The following SH3GL2 variants were observed in gnomAD, a reference collection of about 807,000 sequenced individuals.
SH3GL2 encodes endophilin-A1.
Under a neutral mutation model 46.0 loss-of-function variants are expected in SH3GL2, and 24 were observed. The observed-to-expected ratio is 0.52, with a 90% confidence interval of 0.38 to 0.73. The LOEUF (loss-of-function observed/expected upper bound fraction) is 0.73, where lower values mean the gene tolerates loss of function less well. SH3GL2 is among the 30% of genes least tolerant of loss of function. The pLI is 0.00. For missense variants in SH3GL2, 413 were observed against 424.2 expected, an observed-to-expected ratio of 0.97 and a Z score of 0.23; for synonymous variants, 196 against 147.1, an observed-to-expected ratio of 1.33 and a Z score of -2.40.
At chr9:17,712,497 G>T (rs1407052530) in intron 1 of SH3GL2, among the ~76,000 whole-genome samples, 3 of 151,822 alleles carry the variant, frequency 2.0e-5, no homozygotes, top group Non-Finnish European at 2.9e-5. Flanking sequence ...TACTGAAGGT[G>T]TGGATTGAAT....
At chr9:17,675,975 T>A (rs1456778899) in intron 1 of SH3GL2, among the ~76,000 whole-genome samples, 1 of 151,976 alleles carries the variant, frequency 6.6e-6, no homozygotes, top group African/African-American at 2.4e-5. Context: ...AAAATGCTAA[T>A]GCCTTTCTTG....
intron 3 of SH3GL2, among the ~76,000 whole-genome samples, chr9:17,775,084 A>ACT (rs34030367): frequency 0.12 from 17,638 of 151,864 alleles, 1,131 homozygotes; most frequent in Admixed American, 0.15. Flanking sequence ...TGTTCATAGT[A>ACT]CTCTTAATAA....
Position 17,719,766 on chromosome 9 carries a change from C to G in SH3GL2, c.46-27300C>G, listed in dbSNP as rs568783811. 1.2e-4 allele frequency among the ~76,000 whole-genome samples: 18 copies of G among 148,616 alleles called. No homozygotes were observed. The South Asian group carries it at 3.6e-3, about 30-fold the overall frequency. On this transcript the variant is annotated intron_variant, in intron 1 of 8. Coordinates refer to ENST00000380607, the MANE Select transcript of SH3GL2 (RefSeq NM_003026.5). ...TATGATTGCATCACTGTACTCTAGT[C>G]TGGGTAACGAAGTGAGACCCTGTCT...
intron 1 of SH3GL2, among the ~76,000 whole-genome samples, chr9:17,717,245 C>T (rs1413117605): frequency 6.6e-6 from 1 of 152,112 alleles, no homozygotes. Context: ...CTCTTTTATG[C>T]TGTCACATGT....
chr9:17,740,031 T>A (rs537159612), intron 1 of SH3GL2, among the ~76,000 whole-genome samples: 1 of 152,258 alleles, frequency 6.6e-6, no homozygotes, highest in South Asian at 2.1e-4. Context: ...CTCTAGATAT[T>A]CAAAGAAAAT....
chr9:17,721,556 T>C (rs895727083), intron 1 of SH3GL2, among the ~76,000 whole-genome samples: 4 of 152,154 alleles, frequency 2.6e-5, no homozygotes, highest in African/African-American at 7.2e-5. Flanking sequence ...TTAACCAGTA[T>C]AGTTTTTCTG....
At chr9:17,633,890 G>C (rs1819486375) in intron 1 of SH3GL2, among the ~76,000 whole-genome samples, 1 of 152,186 alleles carries the variant, frequency 6.6e-6, no homozygotes, top group Non-Finnish European at 1.5e-5. Context: ...TAAAAGTTTT[G>C]AGTTATGCAA....
intron 3 of SH3GL2, among the ~76,000 whole-genome samples, chr9:17,765,663 C>T (rs1269792556): frequency 3.3e-5 from 5 of 152,236 alleles, no homozygotes; most frequent in Admixed American, 2.6e-4. Flanking sequence ...TAACAGCTCC[C>T]TCGGGTCCAG....
chr9:17,579,211 G>C lies in SH3GL2; in HGVS notation c.-32G>C. 6.6e-7 allele frequency: 1 copy of C among 1,520,388 alleles called. No individual in the cohort carries two copies. The highest frequency in any genetic ancestry group is 8.8e-7 in the Non-Finnish European group (1 of 1,131,978). The allele number at this position is 1,520,388 out of a possible 1,614,324, so 94.2% of individuals were successfully genotyped here. ...AGTCCCCCTCCGCCTCCTCCCTCCC[G>C]CACAGCAGCCGCCAGCGCGGCCTCC... On this transcript the variant is annotated 5_prime_UTR_variant, in exon 1 of 9. Transcript: ENST00000380607.
intron 1 of SH3GL2, among the ~76,000 whole-genome samples, chr9:17,592,400 G>C (rs1563774277): frequency 6.6e-6 from 1 of 152,112 alleles, no homozygotes. Context: ...CAGTTAAGTT[G>C]ACACATAAAA....
At chr9:17,714,157 A>G (rs1221039809) in intron 1 of SH3GL2, among the ~76,000 whole-genome samples, 2 of 151,656 alleles carry the variant, frequency 1.3e-5, no homozygotes, top group Non-Finnish European at 3.0e-5. Flanking sequence ...AGTCCTTACT[A>G]TGGTGTATTT....
intron 1 of SH3GL2, among the ~76,000 whole-genome samples, chr9:17,626,857 A>C (rs1254053692): frequency 6.6e-6 from 1 of 152,146 alleles, no homozygotes; most frequent in African/African-American, 2.4e-5. Context: ...AATTTGTGGA[A>C]GAGTCGAGGA....
intron 1 of SH3GL2, among the ~76,000 whole-genome samples, chr9:17,580,232 T>G (rs73412676): frequency 6.6e-6 from 1 of 152,326 alleles, no homozygotes; most frequent in African/African-American, 2.4e-5. Flanking sequence ...TCTTTAAGGA[T>G]TTTGATGACT....
At chr9:17,749,193 A>T (rs1356181167) in intron 2 of SH3GL2, among the ~76,000 whole-genome samples, 1 of 152,194 alleles carries the variant, frequency 6.6e-6, no homozygotes, top group East Asian at 1.9e-4. Flanking sequence ...ATGGTTCTAA[A>T]TACCACCTGA....
At chr9:17,677,379 A>G (rs1820638751) in intron 1 of SH3GL2, among the ~76,000 whole-genome samples, 1 of 152,094 alleles carries the variant, frequency 6.6e-6, no homozygotes, top group African/African-American at 2.4e-5. Flanking sequence ...ATGGCTCAAT[A>G]TTAATTTTAG....
intron 6 of SH3GL2, chr9:17,790,324 C>T: frequency 2.6e-6 from 1 of 388,424 alleles, no homozygotes; most frequent in Non-Finnish European, 3.5e-6. Flanking sequence ...AGAAATAATG[C>T]TTTACCAGCT....
chr9:17,771,329 A>G (rs901681884), intron 3 of SH3GL2, among the ~76,000 whole-genome samples: 5 of 152,190 alleles, frequency 3.3e-5, no homozygotes, highest in Non-Finnish European at 4.4e-5. Context: ...CATGATAGCA[A>G]AGAACACTTG....
Position 17,795,984 on chromosome 9 carries a change from G to C in SH3GL2, c.*241G>C, listed in dbSNP as rs563668969. On this transcript the variant is annotated 3_prime_UTR_variant, in exon 9 of 9. Transcript: ENST00000380607. Reference sequence around the variant, plus strand: ...AAACATCATCTGAGACCAGCCAGTAGTCACAGAACTGCTGTTTACACAGTT... The same window carrying C: ...AAACATCATCTGAGACCAGCCAGTACTCACAGAACTGCTGTTTACACAGTT... The C allele has an allele frequency of 1.9e-6, 1 of 519,816 alleles. No individual in the cohort carries two copies. Among genetic ancestry groups the C allele is most frequent in the East Asian group, 3.0e-5 (1 of 33,520 alleles). The allele number at this position is 519,816 out of a possible 1,614,324, so 32.2% of individuals were successfully genotyped here.
chr9:17,774,965 G>A (rs1350957275), intron 3 of SH3GL2, among the ~76,000 whole-genome samples: 1 of 152,126 alleles, frequency 6.6e-6, no homozygotes, highest in Non-Finnish European at 1.5e-5. Flanking sequence ...TCTTACTAAT[G>A]ATAGGTCTGT....
Sources: gnomAD v4.1 joint callset for allele counts (sites outside exome capture counted in the v4.1 genomes callset) on GRCh38, gnomAD v4.1.1 for gene constraint, MANE v1.5 for transcripts, NCBI Gene and HGNC (gene_info 2026-07-23, HGNC 2026-07-21) for gene names.